Variants in EAF2 observed in about 807,000 individuals in gnomAD.
EAF2 encodes the protein ELL associated factor 2, also known as ELL-associated factor 2.
EAF2 carries 29 observed loss-of-function variants against 29.4 expected under a neutral mutation model. The ratio of observed to expected loss-of-function variants is 0.99; its 90% confidence interval spans 0.73 to 1.35. EAF2 has a LOEUF of 1.35. Among genes scored for constraint, EAF2 ranks in the 40% most tolerant of loss-of-function variants. The pLI is 0.00. For missense variants in EAF2, 292 were observed against 312.0 expected (o/e 0.94, Z 0.48); for synonymous variants, 103 against 102.5 (o/e 1.00, Z -0.03).
intron 1 of EAF2, among the ~76,000 whole-genome samples, chr3:121,843,290 G>T (rs1190285308): frequency 1.3e-5 from 2 of 152,100 alleles, no homozygotes; most frequent in African/African-American, 4.8e-5. Flanking sequence ...GCAATAATTT[G>T]ATGATTATTG....
chr3:121,843,913 G>T (rs1452339151), intron 1 of EAF2, among the ~76,000 whole-genome samples: 1 of 152,008 alleles, frequency 6.6e-6, no homozygotes, highest in Non-Finnish European at 1.5e-5. Context: ...TACTGTATTT[G>T]CTATGTATTC....
At chr3:121,865,343 A>G (rs932857468) in intron 4 of EAF2, among the ~76,000 whole-genome samples, 1 of 152,230 alleles carries the variant, frequency 6.6e-6, no homozygotes, top group Admixed American at 6.5e-5. Context: ...TAGTATGAGA[A>G]TGGAACTTCA....
intron 4 of EAF2, among the ~76,000 whole-genome samples, chr3:121,859,948 C>T (rs960548141): frequency 6.6e-6 from 1 of 152,060 alleles, no homozygotes; most frequent in Admixed American, 6.6e-5. Context: ...TTTTGTCATT[C>T]GTTCTGTTTA....
chr3:121,846,904 A>G (rs187931034), intron 2 of EAF2, among the ~76,000 whole-genome samples: 1 of 152,270 alleles, frequency 6.6e-6, no homozygotes, highest in East Asian at 1.9e-4. Context: ...TATGGTCTCA[A>G]TTGAAATATG....
rs199827950 is a variant in EAF2, at chr3:121,850,037, CT to C, written c.202-4643del. Reference sequence around the variant, plus strand: ...GCTGATATTTATATAGCTATCTTTACTTTTTTTCTTTTGTGTATTCATAGAA... The same window carrying C: ...GCTGATATTTATATAGCTATCTTTACTTTTTTCTTTTGTGTATTCATAGAA... On this transcript the variant is annotated intron_variant, in intron 2 of 5. Coordinates refer to ENST00000273668, the MANE Select transcript of EAF2 (RefSeq NM_018456.6). Among the ~76,000 whole-genome samples, 356 of 150,348 alleles carry C rather than the reference CT, an allele frequency of 2.4e-3. 3 individuals are homozygous for C. The highest frequency in any genetic ancestry group is 8.2e-3 in the African/African-American group (336 of 41,102).
intron 2 of EAF2, among the ~76,000 whole-genome samples, chr3:121,850,025 T>C (rs1308659302): frequency 6.6e-6 from 1 of 150,838 alleles, no homozygotes; most frequent in East Asian, 1.9e-4. Context: ...GATATTTATA[T>C]AGCTATCTTT....
At chr3:121,864,470 T>C (rs956419528) in intron 4 of EAF2, among the ~76,000 whole-genome samples, 2 of 152,076 alleles carry the variant, frequency 1.3e-5, no homozygotes, top group Non-Finnish European at 2.9e-5. Flanking sequence ...AAAATATTGG[T>C]ACAGAAAATC....
chr3:121,848,563 G>T (rs1351878562), intron 2 of EAF2, among the ~76,000 whole-genome samples: 1 of 148,462 alleles, frequency 6.7e-6, no homozygotes, highest in Admixed American at 6.7e-5. Context: ...TGAAATTTTT[G>T]TCCCAAGAAA....
chr3:121,856,670 A>G (rs1025100699), intron 3 of EAF2, among the ~76,000 whole-genome samples: 3 of 152,020 alleles, frequency 2.0e-5, no homozygotes, highest in African/African-American at 7.2e-5. Flanking sequence ...TTATACAGAC[A>G]GGGTCTCGTT....
At chr3:121,847,946 G>C (rs1176447483) in intron 2 of EAF2, among the ~76,000 whole-genome samples, 1 of 152,038 alleles carries the variant, frequency 6.6e-6, no homozygotes, top group Non-Finnish European at 1.5e-5. Context: ...TGAAGGGAAG[G>C]GCTCTTTGCT....
At chr3:121,855,861 C>A (rs1708709025) in intron 3 of EAF2, among the ~76,000 whole-genome samples, 1 of 152,008 alleles carries the variant, frequency 6.6e-6, no homozygotes, top group Non-Finnish European at 1.5e-5. Context: ...TGCTGGTAGT[C>A]GTTACATATT....
Position 121,872,904 on chromosome 3 carries a change from A to G in EAF2, c.736+116A>G, listed in dbSNP as rs1455922133. 6 of 1,364,064 alleles carry G rather than the reference A, an allele frequency of 4.4e-6. No homozygotes were observed. The African/African-American group carries it at 5.9e-5, about 13-fold the overall frequency. 84.5% of individuals were successfully genotyped at this position (1,364,064 alleles called of 1,614,324 possible). ...ATTCCTATTTTATGCATTTGATACT[A>G]TTAATAATTACATTTTTATTGAATT... On this transcript the variant is annotated intron_variant, in intron 5 of 5. Coordinates refer to ENST00000273668, the MANE Select transcript of EAF2 (RefSeq NM_018456.6).
rs1386382190 is a variant in EAF2 at position 121,840,505 on chromosome 3, A to G, written c.107-3948A>G. ...ACTTCGTCTAAAAAAAAAAAAAAAA[A>G]AAAGAAAAAAAAAAAACGGGCCGGG... On this transcript the variant is annotated intron_variant, in intron 1 of 5. Transcript: ENST00000273668. Among the ~76,000 whole-genome samples the G allele has an allele frequency of 5.1e-3, 361 of 71,306 alleles. 10 individuals carry two copies. The East Asian group carries it at 0.051, about 10-fold the overall frequency. 46.8% of individuals were successfully genotyped at this position (71,306 alleles called of 152,430 possible).
rs35521886 is a variant in EAF2 at position 121,840,189 on chromosome 3, G to GAA, written c.107-4243_107-4242dup. On this transcript the variant is annotated intron_variant, in intron 1 of 5. Transcript: ENST00000273668. ...GGGCGACAGAGTGAGATTCTCTCAG[G>GAA]AAAAAAAAAAAAAAAAAAAAAAGCC... Among the ~76,000 whole-genome samples, 559 of 69,614 alleles carry GAA rather than the reference G, an allele frequency of 8.0e-3. 9 individuals carry two copies. The highest frequency in any genetic ancestry group is 0.025 in the African/African-American group (392 of 15,926). 45.7% of individuals were successfully genotyped at this position (69,614 alleles called of 152,430 possible).
At chr3:121,860,996 G>A (rs1265208259) in intron 4 of EAF2, among the ~76,000 whole-genome samples, 4 of 152,078 alleles carry the variant, frequency 2.6e-5, no homozygotes, top group East Asian at 1.9e-4. Flanking sequence ...GAGTTTCTTA[G>A]TCCTGAGTTC....
intron 2 of EAF2, among the ~76,000 whole-genome samples, chr3:121,851,517 T>C (rs1708631242): frequency 2.0e-5 from 3 of 152,330 alleles, no homozygotes; most frequent in African/African-American, 7.2e-5. Context: ...TGTCTTTTGG[T>C]TGACAATCCT....
intron 1 of EAF2, among the ~76,000 whole-genome samples, chr3:121,838,738 ATG>A (rs1708351411): frequency 6.6e-6 from 1 of 152,198 alleles, no homozygotes; most frequent in Admixed American, 6.5e-5. Flanking sequence ...TTTGATATGT[ATG>A]TTCATATATG....
chr3:121,880,768 A>G (rs1709180210), intron 5 of EAF2, among the ~76,000 whole-genome samples: 1 of 152,050 alleles, frequency 6.6e-6, no homozygotes, highest in East Asian at 1.9e-4. Flanking sequence ...TGCGTTTAAT[A>G]AGAATGGTGA....
intron 5 of EAF2, among the ~76,000 whole-genome samples, chr3:121,881,485 T>C (rs977483617): frequency 2.0e-5 from 3 of 152,058 alleles, no homozygotes; most frequent in Non-Finnish European, 4.4e-5. Flanking sequence ...GGTTTTCCAA[T>C]TGGTTATTTT....
Sources: allele counts gnomAD v4.1 joint callset (sites outside exome capture counted in the v4.1 genomes callset), GRCh38; gene constraint gnomAD v4.1.1; transcripts MANE v1.5; gene names NCBI Gene and HGNC (gene_info 2026-07-23, HGNC 2026-07-21).